ARHGAP10: variants seen among roughly 807,000 people sequenced by gnomAD.
ARHGAP10 encodes the protein rho GTPase-activating protein 10.
ARHGAP10 carries 87 observed loss-of-function variants against 108.6 expected under a neutral mutation model. The ratio of observed to expected loss-of-function variants is 0.80; its 90% confidence interval spans 0.67 to 0.96. The LOEUF (loss-of-function observed/expected upper bound fraction) is 0.96. ARHGAP10 is among the 40% of genes least tolerant of loss of function. ARHGAP10 has a pLI of 0.00. For missense variants in ARHGAP10, 939 were observed against 954.5 expected, an observed-to-expected ratio of 0.98 and a Z score of 0.21; for synonymous variants, 347 against 341.1, an observed-to-expected ratio of 1.02 and a Z score of -0.19.
intron 1 of ARHGAP10, among the ~76,000 whole-genome samples, chr4:147,779,226 G>A (rs919668757): frequency 6.6e-6 from 1 of 152,168 alleles, no homozygotes; most frequent in Non-Finnish European, 1.5e-5. Context: ...GCTGCGGCCA[G>A]AGGAGTCATG....
intron 10 of ARHGAP10, among the ~76,000 whole-genome samples, chr4:147,885,359 A>G (rs1735502673): frequency 6.6e-6 from 1 of 152,192 alleles, no homozygotes; most frequent in Admixed American, 6.5e-5. Context: ...AGGCAAGAGA[A>G]CGTGTGCAGG....
Position 147,869,236 on chromosome 4 carries a change from C to T in ARHGAP10, c.702+2420C>T, listed in dbSNP as rs112782214. Among the ~76,000 whole-genome samples the T allele has an allele frequency of 9.6e-3, 1,458 of 152,252 alleles. 26 individuals are homozygous for T. The highest frequency in any genetic ancestry group is 0.031 in the African/African-American group (1,306 of 41,522). ...ATAGGTGAATGCCCTGAAGCCAGCT[C>T]TCTGCCTCAGACTCTGGGGTGAGCT... On this transcript the variant is annotated intron_variant, in intron 7 of 22. Transcript: ENST00000336498.
At chr4:147,812,423 C>T (rs1220679247) in intron 1 of ARHGAP10, among the ~76,000 whole-genome samples, 1 of 152,026 alleles carries the variant, frequency 6.6e-6, no homozygotes, top group East Asian at 1.9e-4. Context: ...CTTCACAGAC[C>T]TCACTACCCA....
At chr4:148,062,226 T>C (rs1011013910) in intron 20 of ARHGAP10, among the ~76,000 whole-genome samples, 2 of 152,150 alleles carry the variant, frequency 1.3e-5, no homozygotes, top group African/African-American at 4.8e-5. Flanking sequence ...CAGGAGACCA[T>C]GCTGGTACTG....
chr4:147,798,400 G>A (rs1003311076), intron 1 of ARHGAP10, among the ~76,000 whole-genome samples: 1 of 152,022 alleles, frequency 6.6e-6, no homozygotes, highest in African/African-American at 2.4e-5. Context: ...AGACAATTTT[G>A]AATCTTCTGT....
chr4:148,048,193 A>G (rs773121223), intron 20 of ARHGAP10, among the ~76,000 whole-genome samples: 96 of 152,254 alleles, frequency 6.3e-4, no homozygotes, highest in Non-Finnish European at 1.2e-3. Flanking sequence ...TAATGGTGTC[A>G]TCTGACCCTA....
At chr4:147,798,552 G>T (rs1327113730) in intron 1 of ARHGAP10, among the ~76,000 whole-genome samples, 1 of 151,492 alleles carries the variant, frequency 6.6e-6, no homozygotes, top group Non-Finnish European at 1.5e-5. Context: ...AGCCTAGGTG[G>T]GTGGATCACT....
At position 147,732,459 on chromosome 4, in the gene ARHGAP10, A is replaced by AGCGGGGACGCGG. The variant is rs755384602; in HGVS notation, c.154+8_154+19dup. ...AACCTCATCGCTGCGACGAAAAGTA[A>AGCGGGGACGCGG]GCGGGGACGCGGGCGCGGACGGGCT... On this transcript the variant is annotated splice_donor_region_variant and intron_variant, in intron 1 of 22. Transcript: ENST00000336498. 5 of 1,609,564 alleles carry AGCGGGGACGCGG rather than the reference A, an allele frequency of 3.1e-6. No homozygotes were observed. Among genetic ancestry groups the AGCGGGGACGCGG allele is most frequent in the Non-Finnish European group, 4.2e-6 (5 of 1,177,932 alleles).
At chr4:147,876,344 G>C (rs1735055654) in intron 8 of ARHGAP10, among the ~76,000 whole-genome samples, 1 of 152,178 alleles carries the variant, frequency 6.6e-6, no homozygotes, top group Non-Finnish European at 1.5e-5. Flanking sequence ...TGTAATCCCA[G>C]CACTCTGGGA....
intron 13 of ARHGAP10, among the ~76,000 whole-genome samples, chr4:147,924,223 G>A (rs1263163153): frequency 6.6e-6 from 1 of 152,086 alleles, no homozygotes; most frequent in African/African-American, 2.4e-5. Context: ...TAAATTAATA[G>A]GGGCACATCC....
At chr4:147,797,398 A>C (rs1368452699) in intron 1 of ARHGAP10, among the ~76,000 whole-genome samples, 1 of 151,892 alleles carries the variant, frequency 6.6e-6, no homozygotes, top group East Asian at 1.9e-4. Context: ...TCATGGTCCA[A>C]CGTACCCTCC....
intron 9 of ARHGAP10, 56 bp downstream of exon 9, chr4:147,879,394 G>A: frequency 6.8e-7 from 1 of 1,461,224 alleles, no homozygotes; most frequent in Non-Finnish European, 9.4e-7. Context: ...TAGTGTTTGA[G>A]GGTGTCATTT....
rs1733030952 is a variant in ARHGAP10 at position 147,833,369 on chromosome 4, C to T, written c.312+10412C>T. Among the ~76,000 whole-genome samples, 4 of 152,142 alleles carry T rather than the reference C, an allele frequency of 2.6e-5. No homozygotes were observed. The South Asian group carries it at 6.2e-4, about 24-fold the overall frequency. On this transcript the variant is annotated intron_variant, in intron 3 of 22. Coordinates refer to ENST00000336498, the MANE Select transcript of ARHGAP10 (RefSeq NM_024605.4). ...CTGAACTTGGTTTCTCTCCTGCCAC[C>T]ATGTAAGACGTGCCCTTCTTTCCCT...
intron 19 of ARHGAP10, among the ~76,000 whole-genome samples, chr4:148,043,991 C>G (rs1367619822): frequency 2.0e-5 from 3 of 152,002 alleles, no homozygotes; most frequent in Admixed American, 2.0e-4. Context: ...AAGCTCATTC[C>G]TGAACAGTGA....
chr4:147,835,622 C>T (rs947652076), intron 3 of ARHGAP10, among the ~76,000 whole-genome samples: 7 of 152,356 alleles, frequency 4.6e-5, no homozygotes, highest in Admixed American at 3.9e-4. Context: ...GATCTGCCCG[C>T]CTTGGCCTCC....
chr4:147,835,618 C>T (rs1733140635), intron 3 of ARHGAP10, among the ~76,000 whole-genome samples: 1 of 152,230 alleles, frequency 6.6e-6, no homozygotes, highest in Non-Finnish European at 1.5e-5. Context: ...AGGTGATCTG[C>T]CCGCCTTGGC....
At chr4:147,857,446 G>C in intron 4 of ARHGAP10, 107 bp from the exon 5 acceptor site, 1 of 1,108,744 alleles carries the variant, frequency 9.0e-7, no homozygotes, top group Non-Finnish European at 1.2e-6. Flanking sequence ...ATTCAGAGTG[G>C]TGCTTTGTTT....
At chr4:147,867,406 G>T (rs959855567) in intron 7 of ARHGAP10, among the ~76,000 whole-genome samples, 7 of 152,126 alleles carry the variant, frequency 4.6e-5, no homozygotes, top group Non-Finnish European at 8.8e-5. Flanking sequence ...TCCTGGAAGC[G>T]TCCTCACTGA....
intron 14 of ARHGAP10, among the ~76,000 whole-genome samples, chr4:147,941,464 T>C (rs1485281809): frequency 2.0e-5 from 3 of 152,172 alleles, no homozygotes; most frequent in Non-Finnish European, 4.4e-5. Context: ...CCTCAAAAAA[T>C]TCGTGACCTG....
Sources: allele counts gnomAD v4.1 joint callset (sites outside exome capture counted in the v4.1 genomes callset), GRCh38; gene constraint gnomAD v4.1.1; transcripts MANE v1.5; gene names NCBI Gene and HGNC (gene_info 2026-07-23, HGNC 2026-07-21).